The following SMIM14 variants were observed in gnomAD, a reference collection of about 807,000 sequenced individuals.
The protein encoded by SMIM14 is chromosome 4 open reading frame 34.
Under a neutral mutation model 12.6 loss-of-function variants are expected in SMIM14, and 5 were observed. The ratio of observed to expected loss-of-function variants is 0.40; its 90% CI spans 0.21 to 0.83. The LOEUF is 0.83. SMIM14 is among the 40% of genes least tolerant of loss of function. The pLI, the probability that SMIM14 is intolerant of heterozygous loss-of-function variation, is 0.37. For missense variants in SMIM14, 86 were observed against 119.1 expected (o/e 0.72, Z 1.29); for synonymous variants, 30 against 40.1 (o/e 0.75, Z 0.95).
At chr4:39,598,791 T>TAG (rs1560299070) in intron 2 of SMIM14, among the ~76,000 whole-genome samples, 4 of 152,160 alleles carry the variant, frequency 2.6e-5, no homozygotes, top group African/African-American at 9.7e-5. Context: ...TCACCAGGTA[T>TAG]TCTACCAATT....
At chr4:39,638,170 C>T (rs1716174818) in intron 1 of SMIM14, 1 of 152,252 alleles carries the variant, frequency 6.6e-6, no homozygotes, top group African/African-American at 2.4e-5. Flanking sequence ...TACCTCTTTA[C>T]TGTCAGCCTT....
At chr4:39,638,670 C>A (rs1365744560) in intron 1 of SMIM14, 69 bp downstream of exon 1, 58 of 982,694 alleles carry the variant, frequency 5.9e-5, no homozygotes, top group Admixed American at 5.5e-4. Context: ...CCTGAGGAGC[C>A]CCCAGGAAAA....
At position 39,552,163 on chromosome 4, in the gene SMIM14, C is replaced by T. The variant is rs1711751636; in HGVS notation, c.268-5G>A. ...AGGAGCTGGTGGATCTTGTCCCTGG[C>T]ATTAGAAAGAAATAAATTATTTAAT... On this transcript the variant is annotated splice_region_variant and splice_polypyrimidine_tract_variant and intron_variant, in intron 4 of 4. Transcript: ENST00000295958. 3 of 1,579,662 alleles carry T rather than the reference C, an allele frequency of 1.9e-6. No homozygotes were observed. The highest frequency in any genetic ancestry group is 1.7e-4 in the Middle Eastern group (1 of 5,926).
intron 2 of SMIM14, among the ~76,000 whole-genome samples, chr4:39,598,451 T>C (rs1714464219): frequency 1.3e-5 from 2 of 152,208 alleles, no homozygotes; most frequent in Admixed American, 6.5e-5. Context: ...TATATAAATA[T>C]GCATTATTGC....
At chr4:39,610,599 G>A (rs1027758884) in intron 1 of SMIM14, among the ~76,000 whole-genome samples, 1 of 150,886 alleles carries the variant, frequency 6.6e-6, no homozygotes, top group African/African-American at 2.4e-5. Context: ...GGAGGCTGAA[G>A]TAGGGGGATC....
chr4:39,601,002 C>CA (rs548421814), intron 2 of SMIM14, among the ~76,000 whole-genome samples: 23 of 148,852 alleles, frequency 1.5e-4, no homozygotes, highest in African/African-American at 3.9e-4. Context: ...TCCCAGAAAG[C>CA]AAAAAAAAAG....
chr4:39,602,246 C>CAA (rs11300312), intron 2 of SMIM14, among the ~76,000 whole-genome samples: 4 of 122,328 alleles, frequency 3.3e-5, no homozygotes, highest in Admixed American at 8.5e-5. Context: ...AGTCATGTCT[C>CAA]AAAAAAAAAA....
chr4:39,560,250 C>CTTTTTTTTT (rs773257583), intron 3 of SMIM14, among the ~76,000 whole-genome samples: 1 of 140,760 alleles, frequency 7.1e-6, no homozygotes, highest in African/African-American at 2.7e-5. Flanking sequence ...CTTTTCTTTT[C>CTTTTTTTTT]TTTTTTTTTT....
chr4:39,594,800 A>C (rs1200661214), intron 2 of SMIM14: 1 of 151,916 alleles, frequency 6.6e-6, no homozygotes, highest in East Asian at 1.9e-4. Flanking sequence ...GACACATGAA[A>C]AAATGCTCAC....
intron 1 of SMIM14, among the ~76,000 whole-genome samples, chr4:39,624,271 A>G (rs1198591808): frequency 1.3e-5 from 2 of 152,246 alleles, no homozygotes; most frequent in Non-Finnish European, 2.9e-5. Flanking sequence ...CATCTTAACA[A>G]AAGCCCTTCT....
At chr4:39,552,281 A>G in intron 4 of SMIM14, 123 bp from the exon 5 acceptor site, 1 of 697,292 alleles carries the variant, frequency 1.4e-6, no homozygotes, top group Non-Finnish European at 2.2e-6. Flanking sequence ...ACACATAGAG[A>G]AACAACTGAG....
At chr4:39,587,725 C>A (rs1288206201) in intron 2 of SMIM14, among the ~76,000 whole-genome samples, 1 of 151,904 alleles carries the variant, frequency 6.6e-6, no homozygotes, top group African/African-American at 2.4e-5. Flanking sequence ...GCCCTCCATC[C>A]TGGGTGACAG....
In SMIM14 at chr4:39,558,547, G is replaced by A. The variant is rs150166702; in HGVS notation, c.125-1977C>T. ...TACACAGTGGGCTCCGTGGGAACTT[G>A]CATAGGGCGGAGTGGGCTTACCTAA... On this transcript the variant is annotated intron_variant, in intron 3 of 4. Transcript: ENST00000295958. The surrounding 1 kb of genome is among the most constrained non-coding windows in gnomAD (Gnocchi z 4.3). 2.1e-4 allele frequency among the ~76,000 whole-genome samples: 32 copies of A among 152,296 alleles called. No individual in the cohort carries two copies. Among genetic ancestry groups the A allele is most frequent in the African/African-American group, 7.7e-4 (32 of 41,556 alleles).
intron 1 of SMIM14, among the ~76,000 whole-genome samples, chr4:39,630,742 G>A (rs1715867771): frequency 6.6e-6 from 1 of 151,264 alleles, no homozygotes; most frequent in South Asian, 2.1e-4. Context: ...GGTGCCTGTA[G>A]TCCCAGCTAC....
chr4:39,628,479 C>A (rs1052339691), intron 1 of SMIM14, among the ~76,000 whole-genome samples: 2 of 151,798 alleles, frequency 1.3e-5, no homozygotes, highest in Admixed American at 1.3e-4. Context: ...TCAAGACCAG[C>A]CGGGCCAACA....
chr4:39,620,352 G>A (rs922945884), intron 1 of SMIM14, among the ~76,000 whole-genome samples: 8 of 151,950 alleles, frequency 5.3e-5, no homozygotes, highest in Non-Finnish European at 8.8e-5. Flanking sequence ...GGTGGCGGGC[G>A]CCTGTAGTCC....
intron 2 of SMIM14, among the ~76,000 whole-genome samples, chr4:39,584,133 T>C (rs1391889348): frequency 2.0e-5 from 3 of 151,948 alleles, no homozygotes; most frequent in African/African-American, 7.3e-5. Context: ...TAGAACCTAA[T>C]ACTACATCTG....
rs1198347707 is a variant in SMIM14, at chr4:39,547,507, G to A, written c.*4619C>T. ...TTTAACAAACTAATCTTCACACATG[G>A]TAACAAATACCTATGATTTTTCATT... On this transcript the variant is annotated 3_prime_UTR_variant, in exon 5 of 5. Transcript: ENST00000295958. The A allele has an allele frequency of 1.3e-5, 2 of 152,072 alleles. No individual in the cohort carries two copies. The highest frequency in any genetic ancestry group is 2.9e-5 in the Non-Finnish European group (2 of 68,020). The allele number at this position is 152,072 out of a possible 1,614,324, so 9.4% of individuals were successfully genotyped here.
At chr4:39,585,891 C>T (rs373355138) in intron 2 of SMIM14, among the ~76,000 whole-genome samples, 31 of 152,174 alleles carry the variant, frequency 2.0e-4, no homozygotes, top group South Asian at 6.2e-4. Context: ...CTGTTAAGGT[C>T]GCTCTTCCCT....
Sources: gnomAD v4.1 joint callset for allele counts (sites outside exome capture counted in the v4.1 genomes callset) on GRCh38, gnomAD v4.1.1 for gene constraint, Gnocchi (gnomAD v3.1) non-coding constraint, MANE v1.5 for transcripts, NCBI Gene and HGNC (gene_info 2026-07-23, HGNC 2026-07-21) for gene names.